Variants in KLHDC8A observed in about 807,000 individuals in gnomAD.
KLHDC8A encodes kelch domain-containing protein 8A.
Under a neutral mutation model 33.1 loss-of-function variants are expected in KLHDC8A, and 21 were observed. The ratio of observed to expected loss-of-function variants is 0.64; its 90% confidence interval spans 0.45 to 0.91. The LOEUF (loss-of-function observed/expected upper bound fraction) is 0.91, where lower values mean the gene tolerates loss of function less well. Ranked by LOEUF, KLHDC8A falls within the 40% of genes least tolerant of loss-of-function variation. The pLI, the probability that KLHDC8A is intolerant of heterozygous loss-of-function variation, is 0.00. For synonymous variants in KLHDC8A, 173 were observed against 193.5 expected, an observed-to-expected ratio of 0.89 and a Z score of 0.88; for missense variants, 435 against 483.3, an observed-to-expected ratio of 0.90 and a Z score of 0.94.
At chr1:205,340,004 C>T (rs1662748703) in intron 2 of KLHDC8A, 196 bp from the exon 3 acceptor site, 1 of 394,614 alleles carries the variant, frequency 2.5e-6, no homozygotes, top group African/African-American at 2.1e-5. Flanking sequence ...GAGTCTGTTT[C>T]TTTTTTTTTA....
intron 1 of KLHDC8A, among the ~76,000 whole-genome samples, chr1:205,349,057 C>T (rs1361572002): frequency 6.6e-6 from 1 of 152,156 alleles, no homozygotes. Context: ...GTTCCTCCCC[C>T]AGCATAGAGA....
intron 4 of KLHDC8A, among the ~76,000 whole-genome samples, chr1:205,338,876 G>T (rs890621929): frequency 6.6e-6 from 1 of 152,068 alleles, no homozygotes; most frequent in South Asian, 2.1e-4. Context: ...GAGGAGTCAG[G>T]ATCCTTCTGT....
rs1663094089 is a variant in KLHDC8A, at chr1:205,351,189, T to A, written c.-190+5344A>T. The A allele has an allele frequency of 9.3e-6, 7 of 752,892 alleles. No individual in the cohort carries two copies. The South Asian group carries it at 9.7e-5, about 10-fold the overall frequency. 46.6% of individuals were successfully genotyped at this position (752,892 alleles called of 1,614,324 possible). Reference sequence around the variant, plus strand: ...TAGCATATATTGGGCTTTTATTTGATCATCACTGCTCACTTTAAGAGCAGG... The same window carrying A: ...TAGCATATATTGGGCTTTTATTTGAACATCACTGCTCACTTTAAGAGCAGG... On this transcript the variant is annotated intron_variant, in intron 1 of 5. Transcript: ENST00000367155.
Position 205,356,915 on chromosome 1 carries a change from C to T in KLHDC8A, c.-572G>A, listed in dbSNP as rs1197181065. 5.1e-6 allele frequency: 1 copy of T among 197,154 alleles called. No homozygotes were observed. The highest frequency in any genetic ancestry group is 1.1e-5 in the Non-Finnish European group (1 of 94,648). 12.2% of individuals were successfully genotyped at this position (197,154 alleles called of 1,614,324 possible). ...CCACCCAGTCTCAGCTGCAAAGGCC[C>T]GCTCTGCGAGGAGAGCGGGTGAGGG... is the stretch of plus-strand genomic sequence containing the variant. On this transcript the variant is annotated 5_prime_UTR_variant, in exon 1 of 6. Coordinates refer to ENST00000367155, the MANE Select transcript of KLHDC8A (RefSeq NM_018203.3).
rs768279570 is a variant in KLHDC8A at position 205,343,237 on chromosome 1, G to A, written c.368C>T (p.Thr123Met). ...LREAAMGISV[T>M]AKDYRVYAAG... ...GCCCTGGCCCCACTTGCCTTTGGCC[G>A]TGACAGAAATGCCCATGGCGGCCTC... The change falls in exon 2 of 6, where the codon ACG becomes ATG. Residue 123 changes from threonine (T) to methionine (M), a missense_variant. Transcript: ENST00000367155. 1.9e-6 allele frequency: 3 copies of A among 1,586,900 alleles called. No individual in the cohort carries two copies. Among genetic ancestry groups the A allele is most frequent in the South Asian group, 2.3e-5 (2 of 88,456 alleles).
In KLHDC8A at chr1:205,336,062, G is replaced by C. The variant is rs1662622128; in HGVS notation, c.*1337C>G. On this transcript the variant is annotated 3_prime_UTR_variant, in exon 6 of 6. Transcript: ENST00000367155. ...TGGAGAAAGAATTACACTATCACCT[G>C]ATGAGTGATACCTGACTCCTCCAGA... The C allele has an allele frequency of 6.6e-6, 1 of 152,174 alleles. No individual in the cohort carries two copies. Among genetic ancestry groups the C allele is most frequent in the South Asian group, 2.1e-4 (1 of 4,834 alleles). 9.4% of individuals were successfully genotyped at this position (152,174 alleles called of 1,614,324 possible).
chr1:205,345,418 G>C (rs1662918834), intron 1 of KLHDC8A, among the ~76,000 whole-genome samples: 1 of 152,038 alleles, frequency 6.6e-6, no homozygotes, highest in Admixed American at 6.6e-5. Context: ...TCACAACCAG[G>C]GTTTTGAAAT....
chr1:205,350,458 C>G lies in KLHDC8A; in HGVS notation c.-190+6075G>C, dbSNP rs149885422. Among the ~76,000 whole-genome samples the G allele has an allele frequency of 6.6e-3, 1,011 of 152,206 alleles. 13 individuals carry two copies. The highest frequency in any genetic ancestry group is 0.023 in the African/African-American group (960 of 41,522). Reference sequence around the variant, plus strand: ...TGCCCATTTGTCCCAGGTCACCAGGCTGGGGCCCTTAGGGGGCCTAATCTT... The same window carrying G: ...TGCCCATTTGTCCCAGGTCACCAGGGTGGGGCCCTTAGGGGGCCTAATCTT... On this transcript the variant is annotated intron_variant, in intron 1 of 5. Coordinates refer to ENST00000367155, the MANE Select transcript of KLHDC8A (RefSeq NM_018203.3).
chr1:205,343,228 C>G lies in KLHDC8A; in HGVS notation c.376+1G>C. 6.3e-7 allele frequency: 1 copy of G among 1,582,502 alleles called. No individual in the cohort carries two copies. Among genetic ancestry groups the G allele is most frequent in the South Asian group, 1.1e-5 (1 of 87,192 alleles). On this transcript the variant is annotated splice_donor_variant, in intron 2 of 5. Coordinates refer to ENST00000367155, the MANE Select transcript of KLHDC8A (RefSeq NM_018203.3). LOFTEE classifies it high-confidence loss of function. ...CCGCCCTCAGCCCTGGCCCCACTTGCCTTTGGCCGTGACAGAAATGCCCAT... is the reference window on the plus strand; with the variant it reads ...CCGCCCTCAGCCCTGGCCCCACTTGGCTTTGGCCGTGACAGAAATGCCCAT...
intron 4 of KLHDC8A, 83 bp from the exon 5 acceptor site, chr1:205,338,679 AG>A: frequency 9.2e-7 from 1 of 1,089,746 alleles, no homozygotes; most frequent in Non-Finnish European, 1.4e-6. Context: ...TGGCCCAAAT[AG>A]CTTTCACCCT....
In KLHDC8A at chr1:205,349,250, C is replaced by T. The variant is rs191600041; in HGVS notation, c.-189-5457G>A. 4.4e-4 allele frequency among the ~76,000 whole-genome samples: 67 copies of T among 152,328 alleles called. 1 individual carries two copies. In the South Asian group the frequency reaches 0.01, roughly 23 times the overall value. ...GGGCTGGAGTCCCGCAGAATGGCCT[C>T]AGTTATTCAGGTTCCCTTCCTGACC... On this transcript the variant is annotated intron_variant, in intron 1 of 5. Transcript: ENST00000367155.
intron 1 of KLHDC8A, chr1:205,344,303 A>C (rs1662884396): frequency 6.6e-6 from 1 of 152,332 alleles, no homozygotes; most frequent in East Asian, 1.9e-4. Context: ...AGCAGGAAGG[A>C]GAAGCGGAGC....
At position 205,339,545 on chromosome 1, in the gene KLHDC8A, C is replaced by T. The variant is rs1662731267; in HGVS notation, c.541+99G>A. 6.8e-7 allele frequency: 1 copy of T among 1,459,970 alleles called. No homozygotes were observed. The highest frequency in any genetic ancestry group is 1.8e-5 in the Admixed American group (1 of 54,744). The allele number at this position is 1,459,970 out of a possible 1,614,324, so 90.4% of individuals were successfully genotyped here. On this transcript the variant is annotated intron_variant, in intron 3 of 5. Transcript: ENST00000367155. The surrounding 1 kb of genome is among the most constrained non-coding windows in gnomAD (Gnocchi z 5.1). ...GTGGGCTGGGCAGTGTGATTATCCC[C>T]AGTGCCGAGGAGATGCTCAGCACAC... is the stretch of plus-strand genomic sequence containing the variant.
rs530048862 is a variant in KLHDC8A, at chr1:205,351,701, C to T, written c.-190+4832G>A. 2.0e-4 allele frequency among the ~76,000 whole-genome samples: 30 copies of T among 151,562 alleles called. No homozygotes were observed. The South Asian group carries it at 3.4e-3, about 17-fold the overall frequency. ...TGGGAGGCTGAGGCGGGCGGATCAC[C>T]TGAGGTCGGGAGTTTGAGACCAGCC... On this transcript the variant is annotated intron_variant, in intron 1 of 5. Coordinates refer to ENST00000367155, the MANE Select transcript of KLHDC8A (RefSeq NM_018203.3).
Position 205,339,584 on chromosome 1 carries a change from T to A in KLHDC8A, c.541+60A>T. On this transcript the variant is annotated intron_variant, in intron 3 of 5. Coordinates refer to ENST00000367155, the MANE Select transcript of KLHDC8A (RefSeq NM_018203.3). This position sits in a 1 kb window ranked among gnomAD's most constrained non-coding sequence, Gnocchi z 5.1. Reference sequence around the variant, plus strand: ...TGCTCAGCACACAGGCACTGCTTCCTATGGGAACTGAGCCAAGGGAAGGAA... The same window carrying A: ...TGCTCAGCACACAGGCACTGCTTCCAATGGGAACTGAGCCAAGGGAAGGAA... 1 of 1,573,936 alleles carries A rather than the reference T, an allele frequency of 6.4e-7. No homozygotes were observed. The highest frequency in any genetic ancestry group is 8.7e-7 in the Non-Finnish European group (1 of 1,148,742).
chr1:205,354,176 A>G (rs561913886), intron 1 of KLHDC8A, among the ~76,000 whole-genome samples: 3 of 152,364 alleles, frequency 2.0e-5, no homozygotes, highest in Admixed American at 2.0e-4. Context: ...CAGACAAGCC[A>G]ACAATAGTGA....
intron 1 of KLHDC8A, among the ~76,000 whole-genome samples, chr1:205,353,473 C>G (rs1395556044): frequency 1.3e-5 from 2 of 152,214 alleles, no homozygotes; most frequent in African/African-American, 4.8e-5. Flanking sequence ...TGCTTGTGCC[C>G]TCCCCTGCAC....
intron 5 of KLHDC8A, 82 bp downstream of exon 5, chr1:205,338,413 C>T: frequency 9.1e-7 from 1 of 1,099,400 alleles, no homozygotes; most frequent in Non-Finnish European, 1.4e-6. Context: ...GAGTCAGTAC[C>T]CTTTCCTGCA....
In KLHDC8A at chr1:205,339,212, C is replaced by T. The variant is rs751203134; in HGVS notation, c.739G>A (p.Val247Met). Residue 247 changes from valine (V) to methionine (M), a missense_variant, in exon 4 of 6, where the codon GTG (valine) becomes ATG (methionine). By Grantham distance (21) the Val-to-Met change is conservative. Transcript: ENST00000367155. This position sits in a 1 kb window ranked among gnomAD's most constrained non-coding sequence, Gnocchi z 5.1. ...RQPKFLRTMD[V>M]FDMEQGGWLK... ...AGCTCACCCTGTTCCATGTCGAACA[C>T]GTCCATCGTCCGCAGGAACTTGGGC... is the stretch of plus-strand genomic sequence containing the variant. The T allele has an allele frequency of 1.9e-5, 30 of 1,613,956 alleles. No homozygotes were observed. The highest frequency in any genetic ancestry group is 4.0e-5 in the African/African-American group (3 of 74,928).
Sources: allele counts gnomAD v4.1 joint callset (sites outside exome capture counted in the v4.1 genomes callset), GRCh38; gene constraint gnomAD v4.1.1; non-coding constraint Gnocchi (gnomAD v3.1); transcripts MANE v1.5; gene names NCBI Gene and HGNC (gene_info 2026-07-23, HGNC 2026-07-21).